Variants in CNOT9 observed in about 807,000 individuals in gnomAD.
CNOT9 encodes the protein CCR4-NOT transcription complex subunit 9.
In CNOT9, 8 loss-of-function variants were observed where a neutral mutation model predicts 37.4. The ratio of observed to expected loss-of-function variants is 0.21; its 90% confidence interval spans 0.13 to 0.39. The LOEUF (loss-of-function observed/expected upper bound fraction) is 0.39, where lower values mean the gene tolerates loss of function less well. CNOT9 is among the 10% of genes least tolerant of loss of function. CNOT9 has a pLI of 1.00. For missense variants in CNOT9, 154 were observed against 365.3 expected (o/e 0.42, Z 4.71); for synonymous variants, 120 against 137.6 (o/e 0.87, Z 0.90).
rs1220905316 is a variant in CNOT9 at position 218,594,628 on chromosome 2, G to A, written c.*352G>A. 1 of 254,892 alleles carries A rather than the reference G, an allele frequency of 3.9e-6. No homozygotes were observed. The highest frequency in any genetic ancestry group is 7.5e-6 in the Non-Finnish European group (1 of 132,974). 15.8% of individuals were successfully genotyped at this position (254,892 alleles called of 1,614,324 possible). A position where few individuals can be genotyped will look rare whatever the true frequency, so the allele number is the denominator to read the frequency against. ...ACTGGCAGGGAGGGGAGACAGTGGTGATAGCAGCAGCACTCTAGGCATGGT... is the reference window on the plus strand; with the variant it reads ...ACTGGCAGGGAGGGGAGACAGTGGTAATAGCAGCAGCACTCTAGGCATGGT... On this transcript the variant is annotated 3_prime_UTR_variant, in exon 8 of 8. Transcript: ENST00000273064.
chr2:218,579,796 G>GCATT (rs1553564332), intron 1 of CNOT9, among the ~76,000 whole-genome samples: 2 of 150,474 alleles, frequency 1.3e-5, no homozygotes, highest in Non-Finnish European at 3.0e-5. Flanking sequence ...CCAGTTTTCT[G>GCATT]CATTTATTTA....
At chr2:218,585,233 TTTGTC>T (rs1694549262) in intron 4 of CNOT9, among the ~76,000 whole-genome samples, 1 of 93,554 alleles carries the variant, frequency 1.1e-5, no homozygotes. Flanking sequence ...TTTTTGTTTG[TTTGTC>T]TTACTTCTAA....
chr2:218,581,949 G>T (rs1027456856), intron 2 of CNOT9, among the ~76,000 whole-genome samples: 2 of 151,954 alleles, frequency 1.3e-5, no homozygotes, highest in African/African-American at 4.8e-5. Flanking sequence ...AGGCTTGGTG[G>T]TACACTCCTG....
chr2:218,572,044 G>C (rs1176376450), intron 1 of CNOT9, among the ~76,000 whole-genome samples: 2 of 152,060 alleles, frequency 1.3e-5, no homozygotes, highest in African/African-American at 2.4e-5. Context: ...AATGCGGCCG[G>C]GTACTGTGGC....
At chr2:218,571,762 T>G (rs1218456328) in intron 1 of CNOT9, among the ~76,000 whole-genome samples, 12 of 148,592 alleles carry the variant, frequency 8.1e-5, no homozygotes, top group African/African-American at 2.7e-4. Context: ...TTTTTGTATT[T>G]TTAGTAGAGA....
At chr2:218,574,441 C>A (rs1029618749) in intron 1 of CNOT9, among the ~76,000 whole-genome samples, 25 of 152,132 alleles carry the variant, frequency 1.6e-4, no homozygotes, top group Admixed American at 1.6e-3. Context: ...TTAATGAGTT[C>A]TGTGCTAAGG....
intron 7 of CNOT9, chr2:218,593,820 A>C: frequency 8.1e-7 from 1 of 1,239,724 alleles, no homozygotes; most frequent in African/African-American, 1.5e-5. Flanking sequence ...GACAGTATTT[A>C]ATAAATCAGA....
chr2:218,573,876 A>G (rs932373815), intron 1 of CNOT9: 28 of 290,664 alleles, frequency 9.6e-5, no homozygotes, highest in Non-Finnish European at 1.5e-4. Flanking sequence ...ATCATTAAAC[A>G]GAAAAGGAGG....
At chr2:218,576,777 G>A (rs1286325522) in intron 1 of CNOT9, among the ~76,000 whole-genome samples, 1 of 152,114 alleles carries the variant, frequency 6.6e-6, no homozygotes, top group Non-Finnish European at 1.5e-5. Flanking sequence ...AGATCAGCCT[G>A]GCCAACGTGG....
Position 218,592,953 on chromosome 2 carries a change from AAGG to A in CNOT9, c.731+248_731+250del. 1 of 504,180 alleles carries A rather than the reference AAGG, an allele frequency of 2.0e-6. No individual in the cohort carries two copies. Among genetic ancestry groups the A allele is most frequent in the Non-Finnish European group, 3.5e-6 (1 of 283,340 alleles). 31.2% of individuals were successfully genotyped at this position (504,180 alleles called of 1,614,324 possible). A position where few individuals can be genotyped will look rare whatever the true frequency, so the allele number is the denominator to read the frequency against. On this transcript the variant is annotated intron_variant, in intron 7 of 7. Transcript: ENST00000273064. This position sits in a 1 kb window ranked among gnomAD's most constrained non-coding sequence, Gnocchi z 4.1. ...ATTCCAGAGAGTCTAGGCGATTCCA[AAGG>A]AAACCTTATGATGCATTACTCCTGT... is the stretch of plus-strand genomic sequence containing the variant.
intron 5 of CNOT9, among the ~76,000 whole-genome samples, chr2:218,590,553 G>A (rs1056117688): frequency 1.3e-5 from 2 of 152,156 alleles, no homozygotes; most frequent in Non-Finnish European, 2.9e-5. Context: ...TATAGTTTTG[G>A]AAGTCACAAG....
At chr2:218,593,641 G>A in intron 7 of CNOT9, 1 of 1,372,056 alleles carries the variant, frequency 7.3e-7, no homozygotes, top group Non-Finnish European at 9.5e-7. Context: ...CTCTTATTAA[G>A]GTTTTTAACC....
intron 1 of CNOT9, among the ~76,000 whole-genome samples, 180 bp from the exon 2 acceptor site, chr2:218,580,371 AGGGTATGTGT>A (rs1283988964): frequency 1.3e-5 from 2 of 152,228 alleles, no homozygotes; most frequent in African/African-American, 4.8e-5. Context: ...GAATTATCAA[AGGGTATGTGT>A]GCATTTTAGA....
At chr2:218,571,235 C>T (rs540648494) in intron 1 of CNOT9, among the ~76,000 whole-genome samples, 23 of 152,226 alleles carry the variant, frequency 1.5e-4, no homozygotes, top group African/African-American at 5.5e-4. Context: ...ATCATCATTT[C>T]AGCTAGGGAG....
At chr2:218,577,058 G>A (rs906911691) in intron 1 of CNOT9, among the ~76,000 whole-genome samples, 1 of 151,934 alleles carries the variant, frequency 6.6e-6, no homozygotes, top group African/African-American at 2.4e-5. Context: ...TGTGGGCTCT[G>A]TTGCTAGAAC....
In CNOT9 at chr2:218,592,503, A is replaced by C; in HGVS notation, c.639+101A>C. 3 of 1,466,062 alleles carry C rather than the reference A, an allele frequency of 2.0e-6. No individual in the cohort carries two copies. The highest frequency in any genetic ancestry group is 2.9e-6 in the Non-Finnish European group (3 of 1,045,242). 90.8% of individuals were successfully genotyped at this position (1,466,062 alleles called of 1,614,324 possible). On this transcript the variant is annotated intron_variant, in intron 6 of 7. Transcript: ENST00000273064. The surrounding 1 kb of genome is among the most constrained non-coding windows in gnomAD (Gnocchi z 4.1). ...AACTTCAGTCCTCTGACTAGAACTA[A>C]CAATTTTGGAACCTTTTATGATTCT...
At position 218,568,860 on chromosome 2, in the gene CNOT9, T is replaced by C. The variant is rs546425593; in HGVS notation, c.-95T>C. On this transcript the variant is annotated 5_prime_UTR_variant, in exon 1 of 8. Transcript: ENST00000273064. ...GAGCGAGCCGGAGTCGGATGGCGGC[T>C]ACGGCGGCTCATTGTTTTCCGCTGC... 124 of 1,422,732 alleles carry C rather than the reference T, an allele frequency of 8.7e-5. 1 individual carries two copies. In the South Asian group the frequency reaches 1.3e-3, roughly 15 times the overall value. The allele number at this position is 1,422,732 out of a possible 1,614,324, so 88.1% of individuals were successfully genotyped here.
At chr2:218,593,002 AC>A in intron 7 of CNOT9, 1 of 393,550 alleles carries the variant, frequency 2.5e-6, no homozygotes, top group South Asian at 3.1e-5. Context: ...TTCTGTTGCT[AC>A]TCTACGTGGT....
At position 218,568,863 on chromosome 2, in the gene CNOT9, G is replaced by T. The variant is rs1341674921; in HGVS notation, c.-92G>T. On this transcript the variant is annotated 5_prime_UTR_variant, in exon 1 of 8. Transcript: ENST00000273064. ...CGAGCCGGAGTCGGATGGCGGCTAC[G>T]GCGGCTCATTGTTTTCCGCTGCAGG... 6.9e-7 allele frequency: 1 copy of T among 1,442,494 alleles called. No individual in the cohort carries two copies. The highest frequency in any genetic ancestry group is 1.2e-5 in the South Asian group (1 of 81,544). The allele number at this position is 1,442,494 out of a possible 1,614,324, so 89.4% of individuals were successfully genotyped here. A position where few individuals can be genotyped will look rare whatever the true frequency, so the allele number is the denominator to read the frequency against.
Sources: gnomAD v4.1 joint callset for allele counts (sites outside exome capture counted in the v4.1 genomes callset) on GRCh38, gnomAD v4.1.1 for gene constraint, Gnocchi (gnomAD v3.1) non-coding constraint, MANE v1.5 for transcripts, NCBI Gene and HGNC (gene_info 2026-07-23, HGNC 2026-07-21) for gene names.